NCOR1: variants seen among roughly 807,000 people sequenced by gnomAD.
NCOR1 encodes the protein nuclear receptor corepressor 1, also known as protein phosphatase 1, regulatory subunit 109.
Under a neutral mutation model 288.1 loss-of-function variants are expected in NCOR1, and 63 were observed. The observed-to-expected ratio is 0.22, with a 90% CI of 0.18 to 0.27. The LOEUF (loss-of-function observed/expected upper bound fraction) is 0.27. NCOR1 is among the 10% of genes least tolerant of loss of function. The pLI, the probability that NCOR1 is intolerant of heterozygous loss-of-function variation, is 1.00. For missense variants in NCOR1, 2,397 were observed against 3,019.2 expected (o/e 0.79, Z 4.83); for synonymous variants, 1,007 against 1,065.9 (o/e 0.94, Z 1.08).
At chr17:16,192,210 C>T (rs2088559757) in intron 2 of NCOR1, 1 of 149,962 alleles carries the variant, frequency 6.7e-6, no homozygotes, top group South Asian at 2.1e-4. Context: ...AAAGAGAAAA[C>T]TCTTAAAAAG....
intron 12 of NCOR1, 40 bp downstream of exon 12, chr17:16,138,968 T>C (rs1010893514): frequency 2.2e-6 from 3 of 1,385,642 alleles, no homozygotes; most frequent in South Asian, 1.5e-5. Flanking sequence ...TACTAACTTA[T>C]GTAGATGTCT....
At chr17:16,176,017 G>C (rs1395823722) in intron 3 of NCOR1, among the ~76,000 whole-genome samples, 8 of 151,960 alleles carry the variant, frequency 5.3e-5, no homozygotes, top group Admixed American at 3.3e-4. Context: ...AGGAGTTCGA[G>C]ACCAGCCTGG....
At position 16,039,531 on chromosome 17, in the gene NCOR1, A is replaced by G. The variant is rs766789395; in HGVS notation, c.6857T>C (p.Met2286Thr). 6.9e-5 allele frequency: 111 copies of G among 1,614,188 alleles called. No individual in the cohort carries two copies. The highest frequency in any genetic ancestry group is 2.3e-4 in the Admixed American group (14 of 60,030). The change falls in exon 44 of 46, where the codon ATG (methionine) becomes ACG (threonine). Residue 2286 changes from methionine to threonine, a missense_variant. Met to Thr is a moderately conservative substitution (Grantham distance 81). Coordinates refer to ENST00000268712, the MANE Select transcript of NCOR1 (RefSeq NM_006311.4). ...AGGCACTACTCCCATAGGCTGGGAC[A>G]TGACAACTCCATGATCCTCAACTTT... ...DDKVEDHGVVMSQPMGVVPGT... is the reference protein window; with the variant it reads ...DDKVEDHGVVTSQPMGVVPGT...
In NCOR1 at chr17:16,057,979, A is replaced by C; in HGVS notation, c.6096T>G (p.Pro2032=). The C allele has an allele frequency of 6.2e-7, 1 of 1,614,162 alleles. No homozygotes were observed. Residue 2032 remains proline, a synonymous_variant, in exon 39 of 46, where the codon CCT becomes CCG. Transcript: ENST00000268712. ...GCCCCATTCCCTCTGCCTGTGAAGA[A>C]GGGGGCAGCTGTTGTTGGGGAGATG... is the stretch of plus-strand genomic sequence containing the variant. The part of the protein sequence containing the change: ...ESPSPQQQLP[P]SSQAEGMGQV...
At chr17:16,095,917 G>A (rs1439198316) in intron 21 of NCOR1, among the ~76,000 whole-genome samples, 4 of 152,180 alleles carry the variant, frequency 2.6e-5, no homozygotes, top group Middle Eastern at 3.4e-3. Flanking sequence ...TTGAGAAATC[G>A]GATGGTTGCT....
intron 3 of NCOR1, among the ~76,000 whole-genome samples, chr17:16,182,738 C>T (rs2085752929): frequency 6.6e-6 from 1 of 152,088 alleles, no homozygotes; most frequent in South Asian, 2.1e-4. Flanking sequence ...AGGTGTGAGC[C>T]ACAGTGCCCG....
rs199601051 is a variant in NCOR1 at position 16,038,446 on chromosome 17, T to C, written c.6955+987A>G. On this transcript the variant is annotated intron_variant, in intron 44 of 45. Transcript: ENST00000268712. Reference sequence around the variant, plus strand: ...CCCTTTTTCCTACTCTTTTTTTTTTTCCTTTTTTGAGACAGGGTCTCACTT... The same window carrying C: ...CCCTTTTTCCTACTCTTTTTTTTTTCCCTTTTTTGAGACAGGGTCTCACTT... Among the ~76,000 whole-genome samples the C allele has an allele frequency of 1.2e-3, 173 of 145,350 alleles. 3 individuals carry two copies. The highest frequency in any genetic ancestry group is 1.8e-4 in the Non-Finnish European group (12 of 65,716).
chr17:16,058,394 T>A, intron 38 of NCOR1, 77 bp downstream of exon 38: 2 of 1,485,264 alleles, frequency 1.3e-6, no homozygotes, highest in Non-Finnish European at 1.8e-6. Flanking sequence ...ATTCTTACTA[T>A]GGTCTAGACA....
intron 44 of NCOR1, among the ~76,000 whole-genome samples, chr17:16,036,943 G>A (rs987764145): frequency 2.0e-5 from 3 of 152,144 alleles, no homozygotes; most frequent in Non-Finnish European, 4.4e-5. Flanking sequence ...TGGCACATGA[G>A]GTCTAGCTTT....
At chr17:16,043,640 A>C (rs537166584) in intron 42 of NCOR1, among the ~76,000 whole-genome samples, 3 of 152,316 alleles carry the variant, frequency 2.0e-5, no homozygotes, top group Admixed American at 1.3e-4. Flanking sequence ...AGAGTTTCCC[A>C]CTTTAAGGGT....
chr17:16,094,286 G>A (rs1458119631), intron 21 of NCOR1, among the ~76,000 whole-genome samples: 1 of 152,082 alleles, frequency 6.6e-6, no homozygotes, highest in East Asian at 1.9e-4. Flanking sequence ...ACAATATTAA[G>A]AACATTATCT....
At chr17:16,130,850 AT>A (rs929397999) in intron 14 of NCOR1, among the ~76,000 whole-genome samples, 9 of 141,646 alleles carry the variant, frequency 6.4e-5, no homozygotes, top group Non-Finnish European at 7.7e-5. Context: ...CACCTGGCTA[AT>A]TTTTTTTTTG....
At chr17:16,153,527 T>C (rs2079196278) in intron 6 of NCOR1, 132 bp from the exon 7 acceptor site, 1 of 523,100 alleles carries the variant, frequency 1.9e-6, no homozygotes. Flanking sequence ...ATCCTTCTTC[T>C]ATATGACAGG....
At position 16,151,816 on chromosome 17, in the gene NCOR1, C is replaced by G. The variant is rs865859080; in HGVS notation, c.842+130G>C. The G allele has an allele frequency of 2.3e-5, 22 of 959,274 alleles. No homozygotes were observed. In the African/African-American group the frequency reaches 3.5e-4, roughly 15 times the overall value. 59.4% of individuals were successfully genotyped at this position (959,274 alleles called of 1,614,324 possible). A position where few individuals can be genotyped will look rare whatever the true frequency, so the allele number is the denominator to read the frequency against. On this transcript the variant is annotated intron_variant, in intron 8 of 45. Transcript: ENST00000268712. ...CAGAGGAAGATAACATATAATAAAA[C>G]GACAGCAAATTACACAAATCTAAAA... is the stretch of plus-strand genomic sequence containing the variant.
chr17:16,070,558 A>C, intron 30 of NCOR1, 33 bp from the exon 31 acceptor site: 1 of 1,594,780 alleles, frequency 6.3e-7, no homozygotes, highest in African/African-American at 1.3e-5. Flanking sequence ...TACAGGTAGC[A>C]AAGTCATCTG....
At chr17:16,134,199 A>T (rs952994452) in intron 14 of NCOR1, among the ~76,000 whole-genome samples, 16 of 152,204 alleles carry the variant, frequency 1.1e-4, no homozygotes, top group African/African-American at 3.9e-4. Context: ...CTGCCCCTCT[A>T]TTTTGACACA....
At chr17:16,109,727 T>A (rs2069593263) in intron 18 of NCOR1, among the ~76,000 whole-genome samples, 1 of 134,466 alleles carries the variant, frequency 7.4e-6, no homozygotes, top group South Asian at 2.3e-4. Context: ...AATTTCTTTT[T>A]ACCACTCAAT....
At position 16,178,061 on chromosome 17, in the gene NCOR1, T is replaced by C. The variant is rs545070176; in HGVS notation, c.243-6066A>G. On this transcript the variant is annotated intron_variant, in intron 3 of 45. Coordinates refer to ENST00000268712, the MANE Select transcript of NCOR1 (RefSeq NM_006311.4). ...CCCACCTCTACCAAAAATATAAAAT[T>C]AGCCAGTCATGGAGGCAGGCATCTG... Among the ~76,000 whole-genome samples the C allele has an allele frequency of 2.8e-3, 420 of 151,044 alleles. 3 individuals carry two copies. The highest frequency in any genetic ancestry group is 9.4e-3 in the African/African-American group (387 of 41,024).
intron 21 of NCOR1, among the ~76,000 whole-genome samples, chr17:16,097,512 A>G (rs1382461060): frequency 1.3e-5 from 2 of 152,200 alleles, no homozygotes; most frequent in Non-Finnish European, 1.5e-5. Context: ...CTATGTGATG[A>G]GGCCTTCATA....
Sources: gnomAD v4.1 joint callset for allele counts (sites outside exome capture counted in the v4.1 genomes callset) on GRCh38, gnomAD v4.1.1 for gene constraint, MANE v1.5 for transcripts, NCBI Gene and HGNC (gene_info 2026-07-23, HGNC 2026-07-21) for gene names.